The following MGLL variants were observed in gnomAD, a reference collection of about 807,000 sequenced individuals.
MGLL encodes the protein monoglyceride lipase, also known as lysophospholipase homolog.
MGLL carries 7 observed loss-of-function variants against 29.1 expected under a neutral mutation model. The observed-to-expected ratio is 0.24, with a 90% CI of 0.14 to 0.45. MGLL has a LOEUF of 0.45. MGLL is among the 20% of genes least tolerant of loss of function. The pLI, the probability that MGLL is intolerant of heterozygous loss-of-function variation, is 0.99. For missense variants in MGLL, 356 were observed against 413.6 expected, an observed-to-expected ratio of 0.86 and a Z score of 1.21; for synonymous variants, 148 against 168.3, an observed-to-expected ratio of 0.88 and a Z score of 0.93.
At chr3:127,696,938 C>T (rs1472650991) in intron 6 of MGLL, among the ~76,000 whole-genome samples, 1 of 152,228 alleles carries the variant, frequency 6.6e-6, no homozygotes, top group Non-Finnish European at 1.5e-5. Flanking sequence ...TACAAGGCCT[C>T]GGCCAGAATT....
At chr3:127,706,610 A>T (rs2075607573) in intron 6 of MGLL, among the ~76,000 whole-genome samples, 2 of 152,232 alleles carry the variant, frequency 1.3e-5, no homozygotes. Flanking sequence ...CCATATGCCC[A>T]AGAGACTTTC....
At chr3:127,790,329 A>C (rs772392183) in intron 2 of MGLL, among the ~76,000 whole-genome samples, 2 of 152,216 alleles carry the variant, frequency 1.3e-5, no homozygotes, top group Non-Finnish European at 2.9e-5. Flanking sequence ...CCCAGGTGTG[A>C]TCTCAGCATT....
intron 2 of MGLL, among the ~76,000 whole-genome samples, chr3:127,817,546 AGAT>A (rs2077779188): frequency 2.0e-5 from 3 of 152,246 alleles, no homozygotes; most frequent in South Asian, 4.1e-4. Flanking sequence ...CGGGCCTTGC[AGAT>A]GAACAGCAAA....
At chr3:127,717,739 C>T (rs1229169940) in intron 5 of MGLL, among the ~76,000 whole-genome samples, 2 of 152,164 alleles carry the variant, frequency 1.3e-5, no homozygotes, top group Non-Finnish European at 2.9e-5. Context: ...CTAAGAGGCT[C>T]CCAGAGAAAG....
chr3:127,779,648 G>A (rs775392837), intron 3 of MGLL, among the ~76,000 whole-genome samples: 11 of 152,070 alleles, frequency 7.2e-5, no homozygotes, highest in Non-Finnish European at 1.3e-4. Flanking sequence ...GCTGAACAGC[G>A]AAATACTATA....
intron 5 of MGLL, among the ~76,000 whole-genome samples, chr3:127,718,050 C>G (rs887099894): frequency 6.6e-6 from 1 of 152,162 alleles, no homozygotes; most frequent in African/African-American, 2.4e-5. Flanking sequence ...ATTGTCTCAT[C>G]TCCAGGCTAA....
chr3:127,697,831 C>T (rs1372075792), intron 6 of MGLL, among the ~76,000 whole-genome samples: 1 of 152,216 alleles, frequency 6.6e-6, no homozygotes, highest in African/African-American at 2.4e-5. Flanking sequence ...GTATGGGTTC[C>T]AGCAGGCTGG....
chr3:127,694,286 A>ATATAT lies in MGLL; in HGVS notation c.816+688_816+689insATATA, dbSNP rs1553752298. Among the ~76,000 whole-genome samples the ATATAT allele has an allele frequency of 5.5e-3, 541 of 97,708 alleles. 5 individuals carry two copies. The highest frequency in any genetic ancestry group is 0.015 in the East Asian group (48 of 3,240). The allele number at this position is 97,708 out of a possible 152,430, so 64.1% of individuals were successfully genotyped here. Reference sequence around the variant, plus strand: ...CTCTGTCTGAAAAAAAAAAAAAAAAAATATATATATATATATATATATGTA... The same window carrying ATATAT: ...CTCTGTCTGAAAAAAAAAAAAAAAAATATATATATATATATATATATATATATGTA... On this transcript the variant is annotated intron_variant, in intron 7 of 7. Coordinates refer to ENST00000265052, the MANE Select transcript of MGLL (RefSeq NM_007283.7).
rs114954933 is a variant in MGLL at position 127,763,821 on chromosome 3, A to G, written c.262+17968T>C. ...GTGGGGGAGGGGGAGGTAAGGCTAAACTGCAGATGGGTCTTGTCCTCAAGG... is the reference window on the plus strand; with the variant it reads ...GTGGGGGAGGGGGAGGTAAGGCTAAGCTGCAGATGGGTCTTGTCCTCAAGG... On this transcript the variant is annotated intron_variant, in intron 3 of 7. Transcript: ENST00000265052. Among the ~76,000 whole-genome samples, 719 of 152,268 alleles carry G rather than the reference A, an allele frequency of 4.7e-3. 5 individuals carry two copies. Among genetic ancestry groups the G allele is most frequent in the Middle Eastern group, 0.017 (5 of 294 alleles).
chr3:127,726,180 GAAAGAAAAGA>G (rs1425884579), intron 3 of MGLL, among the ~76,000 whole-genome samples: 1,324 of 51,252 alleles, frequency 0.026, 20 homozygotes, highest in Middle Eastern at 0.081. Context: ...AAGAAAGAAA[GAAAGAAAAGA>G]AAAGAAAGAA....
intron 6 of MGLL, among the ~76,000 whole-genome samples, chr3:127,706,872 G>C (rs1042302974): frequency 6.6e-6 from 1 of 152,220 alleles, no homozygotes; most frequent in Non-Finnish European, 1.5e-5. Context: ...CTGTGGTTAC[G>C]CTTAAGTCGA....
chr3:127,743,572 TAAAAA>T (rs35691902), intron 3 of MGLL, among the ~76,000 whole-genome samples: 7 of 40,722 alleles, frequency 1.7e-4, no homozygotes, highest in Middle Eastern at 0.026. Context: ...CCACTAATGC[TAAAAA>T]AAAAAAAAAA....
chr3:127,785,705 C>G (rs532490370), intron 2 of MGLL, among the ~76,000 whole-genome samples: 5 of 152,368 alleles, frequency 3.3e-5, no homozygotes, highest in African/African-American at 1.2e-4. Flanking sequence ...GTGGGTCCTA[C>G]TTTTCTTCAG....
chr3:127,693,143 C>T (rs1395959480), intron 7 of MGLL, among the ~76,000 whole-genome samples: 2 of 152,192 alleles, frequency 1.3e-5, no homozygotes, highest in Non-Finnish European at 2.9e-5. Flanking sequence ...GGACTCCAGC[C>T]GTTGCTCACG....
intron 2 of MGLL, among the ~76,000 whole-genome samples, chr3:127,815,718 C>T (rs2077742829): frequency 6.6e-6 from 1 of 152,234 alleles, no homozygotes; most frequent in Non-Finnish European, 1.5e-5. Flanking sequence ...ACACTCTGCT[C>T]ACCAACTCAT....
At chr3:127,804,769 A>C (rs990016630) in intron 2 of MGLL, among the ~76,000 whole-genome samples, 4 of 152,222 alleles carry the variant, frequency 2.6e-5, no homozygotes, top group African/African-American at 9.6e-5. Flanking sequence ...TAGTTGGGCC[A>C]GGCCTGCCAC....
chr3:127,734,427 T>G (rs1231356088), intron 3 of MGLL, among the ~76,000 whole-genome samples: 1 of 152,132 alleles, frequency 6.6e-6, no homozygotes, highest in East Asian at 1.9e-4. Context: ...AGTGCGCCCG[T>G]GCCTTCATTT....
Position 127,691,186 on chromosome 3 carries a change from C to T in MGLL, c.*1012G>A, listed in dbSNP as rs1390238047. The T allele has an allele frequency of 2.6e-5, 4 of 152,666 alleles. No individual in the cohort carries two copies. The highest frequency in any genetic ancestry group is 9.7e-5 in the African/African-American group (4 of 41,446). The allele number at this position is 152,666 out of a possible 1,614,324, so 9.5% of individuals were successfully genotyped here. A position where few individuals can be genotyped will look rare whatever the true frequency, so the allele number is the denominator to read the frequency against. On this transcript the variant is annotated 3_prime_UTR_variant, in exon 8 of 8. Transcript: ENST00000265052. ...CTGGTGGGCAGGAAGAGCACTGGGC[C>T]TTGCCCATAGGAAAGGCCCAGCCAA...
At chr3:127,771,179 G>A (rs1273999628) in intron 3 of MGLL, among the ~76,000 whole-genome samples, 1 of 152,092 alleles carries the variant, frequency 6.6e-6, no homozygotes, top group African/African-American at 2.4e-5. Context: ...ATTGCCTCAG[G>A]CAGTTACCCT....
Sources: allele counts gnomAD v4.1 joint callset (sites outside exome capture counted in the v4.1 genomes callset), GRCh38; gene constraint gnomAD v4.1.1; transcripts MANE v1.5; gene names NCBI Gene and HGNC (gene_info 2026-07-23, HGNC 2026-07-21).